The following DGKB variants were observed in gnomAD, a reference collection of about 807,000 sequenced individuals.
DGKB encodes diacylglycerol kinase beta, also known as 90 kDa diacylglycerol kinase.
DGKB carries 67 observed loss-of-function variants against 114.3 expected under a neutral mutation model. The observed-to-expected ratio is 0.59, with a 90% CI of 0.48 to 0.72. The LOEUF is 0.72. DGKB is among the 30% of genes least tolerant of loss of function. The pLI is 0.00. For synonymous variants in DGKB, 398 were observed against 323.1 expected, an observed-to-expected ratio of 1.23 and a Z score of -2.49; for missense variants, 907 against 975.2, an observed-to-expected ratio of 0.93 and a Z score of 0.93.
chr7:14,694,021 TAGAG>T (rs1392721494), intron 9 of DGKB, 50 bp downstream of exon 9: 6 of 1,541,534 alleles, frequency 3.9e-6, no homozygotes, highest in Middle Eastern at 1.7e-4. Context: ...AAATGTGTAA[TAGAG>T]AGCCCCACTG....
At chr7:14,614,305 T>G (rs1806132627) in intron 15 of DGKB, among the ~76,000 whole-genome samples, 1 of 152,148 alleles carries the variant, frequency 6.6e-6, no homozygotes, top group Non-Finnish European at 1.5e-5. Flanking sequence ...TCTTACCTGA[T>G]TCCAATGTTA....
intron 23 of DGKB, among the ~76,000 whole-genome samples, chr7:14,322,121 T>C (rs1031580118): frequency 6.6e-6 from 1 of 152,212 alleles, no homozygotes; most frequent in African/African-American, 2.4e-5. Context: ...CAGCAAACTG[T>C]GGCTTTGTGC....
At chr7:14,527,044 G>A (rs1476110877) in intron 20 of DGKB, among the ~76,000 whole-genome samples, 1 of 152,038 alleles carries the variant, frequency 6.6e-6, no homozygotes, top group Non-Finnish European at 1.5e-5. Context: ...TTCAATGGTG[G>A]TGTAACACTA....
At chr7:14,296,950 A>G (rs1352222803) in intron 23 of DGKB, among the ~76,000 whole-genome samples, 1 of 152,130 alleles carries the variant, frequency 6.6e-6, no homozygotes, top group South Asian at 2.1e-4. Context: ...AAACTAGAAA[A>G]ACTAGAAGAA....
intron 20 of DGKB, among the ~76,000 whole-genome samples, chr7:14,544,665 A>G (rs1794000991): frequency 6.6e-6 from 1 of 152,208 alleles, no homozygotes; most frequent in Admixed American, 6.5e-5. Context: ...ATTCTCAATT[A>G]TATTAGTCAC....
chr7:14,163,978 G>A (rs6974178), intron 25 of DGKB, among the ~76,000 whole-genome samples: 137,223 of 151,894 alleles, frequency 0.9, 62,182 homozygotes, highest in East Asian at 1. Flanking sequence ...CTGGGCAACA[G>A]CAGAGAAACT....
chr7:14,768,269 G>C (rs1195075288), intron 2 of DGKB, among the ~76,000 whole-genome samples: 1 of 151,948 alleles, frequency 6.6e-6, no homozygotes, highest in African/African-American at 2.4e-5. Flanking sequence ...ATGTGAGAAG[G>C]AGGCTATAAC....
At chr7:14,620,183 T>C (rs1171618114) in intron 15 of DGKB, among the ~76,000 whole-genome samples, 3 of 151,466 alleles carry the variant, frequency 2.0e-5, no homozygotes, top group African/African-American at 7.3e-5. Flanking sequence ...ACATCTTGAT[T>C]TACTTTTTTA....
chr7:14,888,284 G>C (rs1780633243), intron 1 of DGKB, among the ~76,000 whole-genome samples: 1 of 151,668 alleles, frequency 6.6e-6, no homozygotes, highest in African/African-American at 2.4e-5. Context: ...GCATGATACA[G>C]TAGATACTAT....
At position 14,471,265 on chromosome 7, in the gene DGKB, T is replaced by TATATGTGTATACATACATATATGTATGGA. The variant is rs1584203045; in HGVS notation, c.1835+6867_1835+6895dup. ...TATACATACATATATGTGTATGGAA[T>TATATGTGTATACATACATATATGTATGGA]ATATGTGTATACATACATATATGTA... On this transcript the variant is annotated intron_variant, in intron 21 of 25. Transcript: ENST00000402815. Among the ~76,000 whole-genome samples, 4 of 142,076 alleles carry TATATGTGTATACATACATATATGTATGGA rather than the reference T, an allele frequency of 2.8e-5. 2 individuals carry two copies. The highest frequency in any genetic ancestry group is 6.1e-5 in the Non-Finnish European group (4 of 65,808). The allele number at this position is 142,076 out of a possible 152,430, so 93.2% of individuals were successfully genotyped here. A position where few individuals can be genotyped will look rare whatever the true frequency, so the allele number is the denominator to read the frequency against.
intron 23 of DGKB, among the ~76,000 whole-genome samples, chr7:14,190,170 A>G (rs1191959669): frequency 2.6e-5 from 4 of 152,186 alleles, no homozygotes; most frequent in African/African-American, 7.2e-5. Context: ...ATCTCAACAA[A>G]TGTAAGAAGA....
chr7:14,544,086 G>A (rs534236727), intron 20 of DGKB, among the ~76,000 whole-genome samples: 7 of 152,248 alleles, frequency 4.6e-5, no homozygotes, highest in Non-Finnish European at 1.0e-4. Context: ...GGAGATAACT[G>A]AAAATATTCC....
chr7:14,859,228 G>C (rs1052643286), intron 1 of DGKB, among the ~76,000 whole-genome samples: 1 of 151,790 alleles, frequency 6.6e-6, no homozygotes, highest in Non-Finnish European at 1.5e-5. Flanking sequence ...CTGAGGTCTG[G>C]GAAAAAAAGC....
intron 5 of DGKB, among the ~76,000 whole-genome samples, chr7:14,732,318 A>G (rs1831042165): frequency 6.6e-6 from 1 of 152,116 alleles, no homozygotes; most frequent in African/African-American, 2.4e-5. Context: ...ATGGTGAACT[A>G]TAACAGCATA....
At chr7:14,852,273 G>A (rs1423350818) in intron 1 of DGKB, among the ~76,000 whole-genome samples, 1 of 148,868 alleles carries the variant, frequency 6.7e-6, no homozygotes, top group Non-Finnish European at 1.5e-5. Context: ...AGCATATGCT[G>A]AAAGAAGTGT....
rs943136769 is a variant in DGKB at position 14,753,930 on chromosome 7, G to T, written c.166C>A (p.Gln56Lys). Residue 56 changes from glutamine to lysine, a missense_variant and splice_region_variant, in exon 4 of 26, where the codon CAA becomes AAA. Physicochemically the swap from Gln to Lys is moderately conservative, Grantham distance 53. Transcript: ENST00000402815. ...NPEGKQDILNQTIDFEGFKLF... is the reference protein window; with the variant it reads ...NPEGKQDILNKTIDFEGFKLF... ...TAATAGAAAAGAAAATGTCTTACTT[G>T]GTTAAGAATGTCTTGTTTCTGTGCA... 4.6e-6 allele frequency: 7 copies of T among 1,509,378 alleles called. No homozygotes were observed. Among genetic ancestry groups the T allele is most frequent in the Non-Finnish European group, 5.4e-6 (6 of 1,103,434 alleles). 93.5% of individuals were successfully genotyped at this position (1,509,378 alleles called of 1,614,324 possible). A position where few individuals can be genotyped will look rare whatever the true frequency, so the allele number is the denominator to read the frequency against.
chr7:14,938,298 C>T (rs1214405841), intron 1 of DGKB, among the ~76,000 whole-genome samples: 1 of 152,056 alleles, frequency 6.6e-6, no homozygotes, highest in African/African-American at 2.4e-5. Context: ...AAGGTGGTAT[C>T]TAAGAGATTA....
At chr7:14,234,926 A>T (rs1390838338) in intron 23 of DGKB, among the ~76,000 whole-genome samples, 1 of 152,112 alleles carries the variant, frequency 6.6e-6, no homozygotes, top group East Asian at 1.9e-4. Flanking sequence ...AGCATACGGT[A>T]GGCATTTCAG....
intron 21 of DGKB, among the ~76,000 whole-genome samples, chr7:14,359,797 T>C (rs185384833): frequency 1.4e-3 from 212 of 152,154 alleles, no homozygotes; most frequent in Non-Finnish European, 6.8e-4. Flanking sequence ...TAGTGATCAT[T>C]AAAAAGTCAG....
Sources: allele counts gnomAD v4.1 joint callset (sites outside exome capture counted in the v4.1 genomes callset), GRCh38; gene constraint gnomAD v4.1.1; transcripts MANE v1.5; gene names NCBI Gene and HGNC (gene_info 2026-07-23, HGNC 2026-07-21).